Variants in APC observed in about 807,000 individuals in gnomAD.
The protein encoded by APC is APC regulator of Wnt signaling pathway.
Under a neutral mutation model 247.0 loss-of-function variants are expected in APC, and 72 were observed. The ratio of observed to expected loss-of-function variants is 0.29; its 90% CI spans 0.24 to 0.35. The LOEUF (loss-of-function observed/expected upper bound fraction) is 0.35. Among genes scored for constraint, APC ranks in the 10% least tolerant of loss-of-function variants. The pLI, the probability that APC is intolerant of heterozygous loss-of-function variation, is 1.00. For missense variants in APC, 3,400 were observed against 3,360.7 expected, an observed-to-expected ratio of 1.01 and a Z score of -0.29; for synonymous variants, 1,254 against 1,162.5, an observed-to-expected ratio of 1.08 and a Z score of -1.60.
chr5:112,798,533 A>G (rs1157199774), intron 7 of APC, among the ~76,000 whole-genome samples: 2 of 152,224 alleles, frequency 1.3e-5, no homozygotes, highest in Non-Finnish European at 2.9e-5. Context: ...AAATGGATGG[A>G]TTTTGTGATA....
Position 112,843,213 on chromosome 5 carries a change from C to A in APC, c.7619C>A (p.Pro2540Gln), listed in dbSNP as rs777667481. Residue 2540 changes from proline (P) to glutamine (Q), a missense_variant, in exon 16 of 16, where the codon CCA (proline) becomes CAA (glutamine). By Grantham distance (76) the Pro-to-Gln change is moderately conservative (BLOSUM62 -1). Transcript: ENST00000257430. This position sits in a 1 kb window ranked among gnomAD's most constrained non-coding sequence, Gnocchi z 4.8. ...RSHSESPSRL[P>Q]INRSGTWKRE... Reference sequence around the variant, plus strand: ...CATTCTGAAAGTCCTTCTAGACTTCCAATCAATAGGTCAGGAACCTGGAAA... The same window carrying A: ...CATTCTGAAAGTCCTTCTAGACTTCAAATCAATAGGTCAGGAACCTGGAAA... 6.2e-7 allele frequency: 1 copy of A among 1,613,742 alleles called. No homozygotes were observed. Among genetic ancestry groups the A allele is most frequent in the Non-Finnish European group, 8.5e-7 (1 of 1,179,700 alleles).
At chr5:112,713,170 C>CA (rs10625710) in intron 1 of APC, among the ~76,000 whole-genome samples, 11,521 of 107,706 alleles carry the variant, frequency 0.11, 683 homozygotes, top group Middle Eastern at 0.17. Context: ...GACTCCATAG[C>CA]AAAAAAAAAA....
chr5:112,718,118 A>G (rs1422159146), intron 1 of APC, among the ~76,000 whole-genome samples: 2 of 150,828 alleles, frequency 1.3e-5, no homozygotes, highest in Non-Finnish European at 3.0e-5. Context: ...CACTTTTTAC[A>G]GTTTTCAATT....
chr5:112,810,424 T>C (rs540444626), intron 8 of APC: 3 of 207,734 alleles, frequency 1.4e-5, no homozygotes, highest in South Asian at 1.4e-4. Flanking sequence ...AGCCACAGTT[T>C]TATATGATAC....
Position 112,841,147 on chromosome 5 carries a change from A to G in APC, c.5553A>G (p.Gly1851=). The change falls in exon 16 of 16, where the codon GGA becomes GGG. Residue 1851 remains glycine (G), a synonymous_variant. Transcript: ENST00000257430. This position sits in a 1 kb window ranked among gnomAD's most constrained non-coding sequence, Gnocchi z 4.6. ...DSPHHYTPIE[G]TPYCFSRNDS... is the part of the protein sequence containing the mutation. ...CTCATCATTACACGCCTATTGAAGG[A>G]ACTCCTTACTGTTTTTCACGAAATG... 6.2e-7 allele frequency: 1 copy of G among 1,613,492 alleles called. No homozygotes were observed. Among genetic ancestry groups the G allele is most frequent in the Non-Finnish European group, 8.5e-7 (1 of 1,179,452 alleles).
At chr5:112,814,289 G>A (rs559540401) in intron 8 of APC, among the ~76,000 whole-genome samples, 1 of 152,232 alleles carries the variant, frequency 6.6e-6, no homozygotes, top group East Asian at 1.9e-4. Flanking sequence ...CCCACCTCCT[G>A]TCCAGAGTTG....
chr5:112,822,764 C>G (rs1382474968), intron 11 of APC, among the ~76,000 whole-genome samples: 1 of 152,160 alleles, frequency 6.6e-6, no homozygotes, highest in African/African-American at 2.4e-5. Context: ...TAATTGTGCC[C>G]TTGCTTTTTG....
intron 1 of APC, among the ~76,000 whole-genome samples, chr5:112,731,959 G>A (rs902027574): frequency 3.9e-5 from 6 of 151,944 alleles, no homozygotes; most frequent in Non-Finnish European, 8.8e-5. Context: ...ACAGGGTTTC[G>A]CCATGTTGGC....
Position 112,819,010 on chromosome 5 carries a change from T to C in APC, c.978T>C (p.Asp326=). Reference sequence around the variant, plus strand: ...TGTTGTCAATGCTTGGTACTCATGATAAGGATGATATGTCGCGAACTTTGC... The same window carrying C: ...TGTTGTCAATGCTTGGTACTCATGACAAGGATGATATGTCGCGAACTTTGC... ...YSLLSMLGTH[D]KDDMSRTLLA... The change falls in exon 10 of 16, where the codon GAT becomes GAC. Residue 326 remains aspartate, a synonymous_variant. Coordinates refer to ENST00000257430, the MANE Select transcript of APC (RefSeq NM_000038.6). The C allele has an allele frequency of 6.2e-7, 1 of 1,614,130 alleles. No individual in the cohort carries two copies. Among genetic ancestry groups the C allele is most frequent in the Non-Finnish European group, 8.5e-7 (1 of 1,179,986 alleles).
intron 6 of APC, among the ~76,000 whole-genome samples, chr5:112,784,897 G>A (rs1412433034): frequency 3.3e-5 from 5 of 152,092 alleles, no homozygotes; most frequent in Admixed American, 6.5e-5. Flanking sequence ...GGAGGCTGAC[G>A]CAAGAGGATC....
chr5:112,740,915 A>G (rs996005913), intron 1 of APC, among the ~76,000 whole-genome samples: 1 of 152,078 alleles, frequency 6.6e-6, no homozygotes, highest in Non-Finnish European at 1.5e-5. Flanking sequence ...CCAATCTTTT[A>G]TACTTGTATA....
intron 13 of APC, among the ~76,000 whole-genome samples, chr5:112,828,334 C>T (rs1763934304): frequency 6.6e-6 from 1 of 151,796 alleles, no homozygotes; most frequent in Admixed American, 6.6e-5. Flanking sequence ...TAGATTGTTG[C>T]TCAGTATTTA....
upstream of APC, among the ~76,000 whole-genome samples, chr5:112,735,742 A>G (rs1752349132): frequency 6.6e-6 from 1 of 152,178 alleles, no homozygotes; most frequent in Non-Finnish European, 1.5e-5. Flanking sequence ...TAAAAATAAG[A>G]AAAATATTAC....
At chr5:112,755,823 A>G (rs756862761) in intron 2 of APC, among the ~76,000 whole-genome samples, 1 of 152,168 alleles carries the variant, frequency 6.6e-6, no homozygotes, top group Admixed American at 6.5e-5. Context: ...CAAAAATATT[A>G]CTTCCACCGG....
intron 2 of APC, among the ~76,000 whole-genome samples, chr5:112,757,434 C>T (rs1053458784): frequency 6.6e-6 from 1 of 151,970 alleles, no homozygotes; most frequent in Non-Finnish European, 1.5e-5. Context: ...CTCTTTACCC[C>T]CAAAAAAGGC....
intron 7 of APC, among the ~76,000 whole-genome samples, chr5:112,799,487 T>C (rs1760571925): frequency 6.6e-6 from 1 of 152,168 alleles, no homozygotes. Flanking sequence ...GCTTCCCTAG[T>C]GCATAGTGCC....
intron 9 of APC, among the ~76,000 whole-genome samples, chr5:112,815,830 G>A (rs922968320): frequency 6.6e-6 from 1 of 152,170 alleles, no homozygotes; most frequent in African/African-American, 2.4e-5. Flanking sequence ...CAGCTACTCA[G>A]GAGGCTGAGG....
chr5:112,738,759 G>GA (rs977423452), intron 1 of APC, among the ~76,000 whole-genome samples: 1 of 151,988 alleles, frequency 6.6e-6, no homozygotes, highest in Admixed American at 6.5e-5. Flanking sequence ...CTGAACAGCA[G>GA]AAAAAAAATT....
intron 1 of APC, among the ~76,000 whole-genome samples, chr5:112,744,340 A>G (rs930029340): frequency 3.9e-5 from 6 of 152,146 alleles, no homozygotes; most frequent in African/African-American, 1.4e-4. Context: ...TCTGTGGCTG[A>G]TAATGCACCC....
Sources: gnomAD v4.1 joint callset for allele counts (sites outside exome capture counted in the v4.1 genomes callset) on GRCh38, gnomAD v4.1.1 for gene constraint, Gnocchi (gnomAD v3.1) non-coding constraint, MANE v1.5 for transcripts, NCBI Gene and HGNC (gene_info 2026-07-23, HGNC 2026-07-21) for gene names.